The following HERPUD2 variants were observed in gnomAD, a reference collection of about 807,000 sequenced individuals.
HERPUD2 encodes the protein HERPUD family member 2.
HERPUD2 carries 13 observed loss-of-function variants against 49.9 expected under a neutral mutation model. The ratio of observed to expected loss-of-function variants is 0.26; its 90% CI spans 0.17 to 0.41. The LOEUF (loss-of-function observed/expected upper bound fraction) is 0.41, where lower values mean the gene tolerates loss of function less well. Ranked by LOEUF, HERPUD2 falls within the 10% of genes least tolerant of loss-of-function variation. The pLI, the probability that HERPUD2 is intolerant of heterozygous loss-of-function variation, is 1.00. For synonymous variants in HERPUD2, 172 were observed against 171.4 expected (o/e 1.00, Z -0.03); for missense variants, 449 against 492.2 (o/e 0.91, Z 0.83).
At chr7:35,687,692 T>C (rs1264494735) in intron 2 of HERPUD2, among the ~76,000 whole-genome samples, 1 of 152,252 alleles carries the variant, frequency 6.6e-6, no homozygotes, top group Non-Finnish European at 1.5e-5. Flanking sequence ...AAAAGGTTTA[T>C]GTATATGCCA....
intron 4 of HERPUD2, 106 bp from the exon 5 acceptor site, chr7:35,667,694 C>T (rs1785566396): frequency 1.2e-6 from 1 of 843,608 alleles, no homozygotes; most frequent in Admixed American, 2.5e-5. Context: ...TGCAAAATAA[C>T]ATTTCAGAAA....
At chr7:35,679,654 C>G (rs1318464643) in intron 2 of HERPUD2, among the ~76,000 whole-genome samples, 1 of 152,194 alleles carries the variant, frequency 6.6e-6, no homozygotes, top group South Asian at 2.1e-4. Context: ...CCATCCAATT[C>G]TAAACATTAG....
intron 6 of HERPUD2, among the ~76,000 whole-genome samples, chr7:35,635,871 GGCTTGTCTAAAAATATATAC>G: frequency 6.6e-6 from 1 of 152,120 alleles, no homozygotes; most frequent in African/African-American, 2.4e-5. Flanking sequence ...CGTTTTGAAA[GGCTTGTCTAAAAATATATAC>G]TATTATTATA....
At chr7:35,673,734 GACTT>G (rs1785691781) in intron 2 of HERPUD2, among the ~76,000 whole-genome samples, 1 of 152,104 alleles carries the variant, frequency 6.6e-6, no homozygotes. Flanking sequence ...TAATATACAA[GACTT>G]ACTTTCTTCC....
chr7:35,635,516 T>C, intron 6 of HERPUD2, 58 bp from the exon 7 acceptor site: 2 of 1,393,928 alleles, frequency 1.4e-6, no homozygotes, highest in Middle Eastern at 1.9e-4. Flanking sequence ...CATACCATAT[T>C]TTTTTAAACT....
intron 2 of HERPUD2, among the ~76,000 whole-genome samples, chr7:35,674,478 T>A (rs1453868034): frequency 7.4e-6 from 1 of 135,792 alleles, no homozygotes; most frequent in African/African-American, 2.8e-5. Flanking sequence ...CACTGTGGTA[T>A]CGTAAAATGT....
intron 5 of HERPUD2, among the ~76,000 whole-genome samples, chr7:35,643,514 T>A (rs1272992428): frequency 1.3e-5 from 2 of 152,140 alleles, no homozygotes; most frequent in Non-Finnish European, 2.9e-5. Context: ...GATATTTACA[T>A]GAAATTTTGT....
chr7:35,652,533 C>G (rs962387003), intron 5 of HERPUD2, among the ~76,000 whole-genome samples: 8 of 151,292 alleles, frequency 5.3e-5, no homozygotes, highest in Non-Finnish European at 1.2e-4. Flanking sequence ...CAGCAGAAAC[C>G]TTACAGGCCA....
intron 4 of HERPUD2, 24 bp downstream of exon 4, chr7:35,670,191 T>G: frequency 8.2e-7 from 1 of 1,216,508 alleles, no homozygotes; most frequent in Non-Finnish European, 1.2e-6. Context: ...AAGTTCAATG[T>G]TTACTCCTCC....
intron 5 of HERPUD2, among the ~76,000 whole-genome samples, chr7:35,664,725 T>C (rs1486866628): frequency 2.0e-5 from 3 of 152,244 alleles, no homozygotes; most frequent in South Asian, 2.1e-4. Context: ...TCTTGTGCCA[T>C]GGTTTTCAGC....
chr7:35,647,147 GCTTCC>G (rs1166263029), intron 5 of HERPUD2, among the ~76,000 whole-genome samples: 43 of 152,248 alleles, frequency 2.8e-4, no homozygotes, highest in Admixed American at 2.6e-3. Context: ...AATTAGCCTT[GCTTCC>G]CCCACCACTC....
chr7:35,668,341 G>A (rs1465711522), intron 4 of HERPUD2, among the ~76,000 whole-genome samples: 5 of 152,010 alleles, frequency 3.3e-5, no homozygotes, highest in Middle Eastern at 3.4e-3. Context: ...TTTTATTCTC[G>A]TGCTCATGGA....
chr7:35,639,973 G>A (rs1784941885), intron 5 of HERPUD2, among the ~76,000 whole-genome samples: 1 of 152,026 alleles, frequency 6.6e-6, no homozygotes, highest in African/African-American at 2.4e-5. Context: ...ATATAAGGGG[G>A]AAAAAACTTC....
At chr7:35,636,796 T>C (rs762497862) in intron 6 of HERPUD2, among the ~76,000 whole-genome samples, 26 of 152,224 alleles carry the variant, frequency 1.7e-4, no homozygotes, top group Admixed American at 4.6e-4. Context: ...GATATCTGGG[T>C]GGCTGCAGGA....
intron 6 of HERPUD2, among the ~76,000 whole-genome samples, chr7:35,637,156 AAGAAAGATAGATAGAT>A (rs1305044604): frequency 1.8e-4 from 26 of 142,522 alleles, no homozygotes; most frequent in African/African-American, 6.3e-4. Flanking sequence ...GAAAGAAAGA[AAGAAAGATAGATAGAT>A]AGATAGATAG....
intron 2 of HERPUD2, among the ~76,000 whole-genome samples, chr7:35,678,636 A>C (rs1270446002): frequency 6.6e-6 from 1 of 152,212 alleles, no homozygotes; most frequent in Non-Finnish European, 1.5e-5. Flanking sequence ...TATAAATCAC[A>C]AAAGGAAATC....
intron 5 of HERPUD2, among the ~76,000 whole-genome samples, chr7:35,641,003 AC>A (rs1480902503): frequency 1.3e-5 from 2 of 152,172 alleles, no homozygotes; most frequent in Non-Finnish European, 2.9e-5. Context: ...GACTTTCCTA[AC>A]TTAAGTAACA....
chr7:35,650,366 T>C (rs1259442501), intron 5 of HERPUD2, among the ~76,000 whole-genome samples: 1 of 152,058 alleles, frequency 6.6e-6, no homozygotes, highest in Non-Finnish European at 1.5e-5. Flanking sequence ...TGCAGACTCC[T>C]GTAATCCTAG....
At chr7:35,663,855 A>T (rs1436443144) in intron 5 of HERPUD2, among the ~76,000 whole-genome samples, 1 of 152,146 alleles carries the variant, frequency 6.6e-6, no homozygotes. Context: ...CCAATTTGCC[A>T]GTCTGTGTCT....
Sources: gnomAD v4.1 joint callset for allele counts (sites outside exome capture counted in the v4.1 genomes callset) on GRCh38, gnomAD v4.1.1 for gene constraint, MANE v1.5 for transcripts, NCBI Gene and HGNC (gene_info 2026-07-23, HGNC 2026-07-21) for gene names.